Variants in SDK2 observed in about 807,000 individuals in gnomAD.
SDK2 encodes sidekick cell adhesion molecule 2, also known as protein sidekick-2.
A neutral mutation model predicts 253.9 loss-of-function variants in SDK2; 105 were observed. The ratio of observed to expected loss-of-function variants is 0.41; its 90% CI spans 0.35 to 0.49. SDK2 has a LOEUF of 0.49. SDK2 is among the 20% of genes least tolerant of loss of function. The pLI is 0.06. For missense variants in SDK2, 2,608 were observed against 3,003.0 expected (o/e 0.87, Z 3.07); for synonymous variants, 1,249 against 1,234.9 (o/e 1.01, Z -0.24).
chr17:73,423,582 G>C, intron 13 of SDK2, 60 bp from the exon 14 acceptor site: 1 of 1,455,358 alleles, frequency 6.9e-7, no homozygotes, highest in Non-Finnish European at 9.1e-7. Context: ...TGACGGGGGC[G>C]CTGTGGACAC....
At chr17:73,342,067 T>A (rs1158240534) in intron 44 of SDK2, among the ~76,000 whole-genome samples, 1 of 151,964 alleles carries the variant, frequency 6.6e-6, no homozygotes, top group Non-Finnish European at 1.5e-5. Flanking sequence ...GACCACAGGA[T>A]GGGAACGAGA....
chr17:73,369,362 G>C (rs1332342398), intron 36 of SDK2: 2 of 270,080 alleles, frequency 7.4e-6, no homozygotes, highest in African/African-American at 4.4e-5. Flanking sequence ...TGCACCAGCA[G>C]CTGCTGGTTA....
intron 2 of SDK2, among the ~76,000 whole-genome samples, chr17:73,477,258 C>T (rs2063692577): frequency 6.6e-6 from 1 of 152,156 alleles, no homozygotes; most frequent in Non-Finnish European, 1.5e-5. Context: ...CTGCCCCACT[C>T]ACCCGTAGCT....
At chr17:73,453,183 GAA>G (rs376424447) in intron 4 of SDK2, among the ~76,000 whole-genome samples, 1 of 152,122 alleles carries the variant, frequency 6.6e-6, no homozygotes, top group African/African-American at 2.4e-5. Context: ...GCAGAAGCTG[GAA>G]AAGTGTATGT....
chr17:73,448,065 C>G (rs569093363), intron 4 of SDK2, among the ~76,000 whole-genome samples: 1 of 152,276 alleles, frequency 6.6e-6, no homozygotes, highest in African/African-American at 2.4e-5. Context: ...CCAGGTATCC[C>G]CTTGGAATTC....
At chr17:73,592,222 C>T (rs950292981) in intron 1 of SDK2, among the ~76,000 whole-genome samples, 4 of 152,210 alleles carry the variant, frequency 2.6e-5, no homozygotes, top group African/African-American at 9.6e-5. Context: ...GCCATGCCTC[C>T]GTGGGCCTGG....
chr17:73,487,967 C>T (rs1354114714), intron 2 of SDK2, among the ~76,000 whole-genome samples: 2 of 152,176 alleles, frequency 1.3e-5, no homozygotes, highest in South Asian at 4.1e-4. Context: ...AGGGATAGAA[C>T]CTTGTTATAC....
intron 16 of SDK2, among the ~76,000 whole-genome samples, chr17:73,418,016 T>G (rs2063197447): frequency 6.7e-6 from 1 of 149,156 alleles, no homozygotes; most frequent in Admixed American, 6.7e-5. Flanking sequence ...ATGAGTTTTT[T>G]TTTTTTTTTT....
chr17:73,559,637 C>T (rs570831349), intron 1 of SDK2, among the ~76,000 whole-genome samples: 1 of 138,814 alleles, frequency 7.2e-6, no homozygotes, highest in Admixed American at 7.5e-5. Context: ...TGTCACCATA[C>T]TGTGGCTGCT....
intron 2 of SDK2, among the ~76,000 whole-genome samples, chr17:73,503,201 C>T (rs534814641): frequency 5.3e-5 from 8 of 152,284 alleles, no homozygotes; most frequent in South Asian, 2.1e-4. Flanking sequence ...TTAGGTCCGG[C>T]GTTGAAGAAG....
intron 1 of SDK2, among the ~76,000 whole-genome samples, chr17:73,597,006 C>T (rs778502524): frequency 1.3e-5 from 2 of 152,230 alleles, no homozygotes; most frequent in Non-Finnish European, 2.9e-5. Context: ...ATCGTCTCCT[C>T]ACTTCAGTCT....
chr17:73,384,248 A>C (rs1372530707), intron 32 of SDK2, among the ~76,000 whole-genome samples: 1 of 152,160 alleles, frequency 6.6e-6, no homozygotes, highest in Non-Finnish European at 1.5e-5. Context: ...CTTTTATCCA[A>C]GCAGGAAACT....
chr17:73,414,550 AG>A (rs985678056), intron 18 of SDK2, 93 bp downstream of exon 18: 1 of 901,262 alleles, frequency 1.1e-6, no homozygotes, highest in Non-Finnish European at 1.8e-6. Flanking sequence ...TCAGAAACAG[AG>A]GGGGGATTTC....
At chr17:73,488,915 T>A (rs1193468635) in intron 2 of SDK2, among the ~76,000 whole-genome samples, 1 of 152,190 alleles carries the variant, frequency 6.6e-6, no homozygotes, top group Non-Finnish European at 1.5e-5. Context: ...TCTACCAACG[T>A]ATCCGTCACA....
At chr17:73,389,109 C>T (rs1467347020) in intron 29 of SDK2, among the ~76,000 whole-genome samples, 1 of 149,962 alleles carries the variant, frequency 6.7e-6, no homozygotes, top group South Asian at 2.2e-4. Context: ...TTGATTCAAG[C>T]AATCCTTCTA....
chr17:73,494,868 G>C (rs56358946), intron 2 of SDK2, among the ~76,000 whole-genome samples: 104 of 152,378 alleles, frequency 6.8e-4, no homozygotes, highest in Admixed American at 2.0e-3. Flanking sequence ...AGGACCGCGT[G>C]CATCTGTGGG....
chr17:73,594,193 G>A (rs533804804), intron 1 of SDK2, among the ~76,000 whole-genome samples: 19 of 152,190 alleles, frequency 1.2e-4, no homozygotes, highest in African/African-American at 4.1e-4. Flanking sequence ...GTTGGACAGC[G>A]GGAAGGCGGC....
intron 16 of SDK2, among the ~76,000 whole-genome samples, chr17:73,417,571 T>A (rs1193748316): frequency 1.3e-5 from 2 of 152,056 alleles, no homozygotes; most frequent in Non-Finnish European, 2.9e-5. Flanking sequence ...TCTGGACTAT[T>A]CTATTTGATG....
rs577653819 is a variant in SDK2 at position 73,598,926 on chromosome 17, C to T, written c.64+45099G>A. ...TCAGGCACCAAGCGCCGGCTTGCTT[C>T]GATTTTTCTTCAAGTAGTGGAACCC... On this transcript the variant is annotated intron_variant, in intron 1 of 44. Coordinates refer to ENST00000392650, the MANE Select transcript of SDK2 (RefSeq NM_001144952.2). Among the ~76,000 whole-genome samples the T allele has an allele frequency of 6.6e-5, 10 of 152,350 alleles. No homozygotes were observed. The East Asian group carries it at 1.5e-3, about 24-fold the overall frequency.
Sources: allele counts gnomAD v4.1 joint callset (sites outside exome capture counted in the v4.1 genomes callset), GRCh38; gene constraint gnomAD v4.1.1; transcripts MANE v1.5; gene names NCBI Gene and HGNC (gene_info 2026-07-23, HGNC 2026-07-21).